CNTN5: variants seen among roughly 807,000 people sequenced by gnomAD.
CNTN5 encodes the protein contactin-5.
In CNTN5, 77 loss-of-function variants were observed where a neutral mutation model predicts 129.1. The ratio of observed to expected loss-of-function variants is 0.60; its 90% CI spans 0.50 to 0.72. The LOEUF is 0.72. Among genes scored for constraint, CNTN5 ranks in the 30% least tolerant of loss-of-function variants. The probability of loss-of-function intolerance (pLI) is 0.00; values close to 1 mark genes in which losing one functional copy is unlikely to be tolerated. For synonymous variants in CNTN5, 509 were observed against 465.6 expected (o/e 1.09, Z -1.20); for missense variants, 1,478 against 1,328.8 (o/e 1.11, Z -1.75).
intron 1 of CNTN5, among the ~76,000 whole-genome samples, chr11:99,311,294 A>G (rs1043042947): frequency 1.8e-4 from 27 of 152,234 alleles, no homozygotes; most frequent in African/African-American, 6.0e-4. Context: ...ATTTTTACCT[A>G]CATTATCTGA....
chr11:99,268,048 A>T (rs1862991484), intron 1 of CNTN5, among the ~76,000 whole-genome samples: 1 of 124,442 alleles, frequency 8.0e-6, no homozygotes, highest in Non-Finnish European at 1.8e-5. Context: ...TAGTTAAGGT[A>T]TGTGGCAGTC....
At chr11:99,944,871 A>G (rs1212154513) in intron 7 of CNTN5, among the ~76,000 whole-genome samples, 1 of 152,144 alleles carries the variant, frequency 6.6e-6, no homozygotes, top group East Asian at 1.9e-4. Context: ...GGACACAAAT[A>G]AATGGAAATA....
chr11:99,349,733 C>T (rs1262237976), intron 2 of CNTN5, among the ~76,000 whole-genome samples: 1 of 152,032 alleles, frequency 6.6e-6, no homozygotes, highest in African/African-American at 2.4e-5. Context: ...TTGTGATAAA[C>T]TCATTTAAGA....
At chr11:99,901,069 A>C (rs965698899) in intron 6 of CNTN5, among the ~76,000 whole-genome samples, 2 of 152,162 alleles carry the variant, frequency 1.3e-5, no homozygotes, top group African/African-American at 2.4e-5. Context: ...TTTCTCACAA[A>C]AGTGTCTAAC....
At chr11:99,823,395 C>T (rs1385853479) in intron 4 of CNTN5, among the ~76,000 whole-genome samples, 1 of 151,994 alleles carries the variant, frequency 6.6e-6, no homozygotes, top group Non-Finnish European at 1.5e-5. Flanking sequence ...CTACATTCAG[C>T]CCAGATTTGT....
At chr11:99,205,377 C>G (rs1162958420) in intron 1 of CNTN5, among the ~76,000 whole-genome samples, 2 of 152,058 alleles carry the variant, frequency 1.3e-5, no homozygotes, top group Non-Finnish European at 2.9e-5. Context: ...AAGAGGTTTG[C>G]TCTCAAGACC....
chr11:99,127,783 C>A lies in CNTN5; in HGVS notation c.-210+106513C>A, dbSNP rs150645760. On this transcript the variant is annotated intron_variant, in intron 1 of 24. Transcript: ENST00000524871. ...TTCCCCTTACAAAGCATTCCTTGAC[C>A]TTTAGGGCTGTGTGAGGTATTTTGT... is the stretch of plus-strand genomic sequence containing the variant. Among the ~76,000 whole-genome samples, 9 of 152,242 alleles carry A rather than the reference C, an allele frequency of 5.9e-5. No individual in the cohort carries two copies. The East Asian group carries it at 1.7e-3, about 29-fold the overall frequency.
chr11:99,229,031 CA>C (rs1860840516), intron 1 of CNTN5, among the ~76,000 whole-genome samples: 1 of 151,934 alleles, frequency 6.6e-6, no homozygotes, highest in South Asian at 2.1e-4. Context: ...TTTTTCTACA[CA>C]TATTTCTATG....
At chr11:99,664,668 C>G (rs1487685151) in intron 3 of CNTN5, among the ~76,000 whole-genome samples, 2 of 152,104 alleles carry the variant, frequency 1.3e-5, no homozygotes, top group Non-Finnish European at 2.9e-5. Context: ...TGTTGGATCA[C>G]TGGAACTATT....
intron 1 of CNTN5, among the ~76,000 whole-genome samples, chr11:99,205,247 T>C (rs1368747569): frequency 1.3e-5 from 2 of 152,178 alleles, no homozygotes; most frequent in African/African-American, 2.4e-5. Flanking sequence ...TAAAATTCCC[T>C]GGAAAAGGAG....
intron 2 of CNTN5, among the ~76,000 whole-genome samples, chr11:99,473,486 T>A (rs1945252337): frequency 6.6e-6 from 1 of 152,154 alleles, no homozygotes; most frequent in Non-Finnish European, 1.5e-5. Context: ...ATAATTTGCA[T>A]TTGAAATATA....
At chr11:99,493,011 C>A (rs965544734) in intron 2 of CNTN5, among the ~76,000 whole-genome samples, 10 of 152,118 alleles carry the variant, frequency 6.6e-5, no homozygotes, top group African/African-American at 2.4e-4. Flanking sequence ...TCAGATAATT[C>A]TTTAATGGTT....
chr11:100,245,654 GC>G (rs1949826091), intron 16 of CNTN5, among the ~76,000 whole-genome samples: 1 of 152,074 alleles, frequency 6.6e-6, no homozygotes, highest in South Asian at 2.1e-4. Flanking sequence ...AATATTATTT[GC>G]CCCTGCTCAT....
chr11:99,283,084 T>C (rs1365472082), intron 1 of CNTN5, among the ~76,000 whole-genome samples: 2 of 152,056 alleles, frequency 1.3e-5, no homozygotes, highest in South Asian at 2.1e-4. Flanking sequence ...GAAGAGCATG[T>C]TGGAAATAGT....
chr11:99,183,164 C>T (rs1030547789), intron 1 of CNTN5, among the ~76,000 whole-genome samples: 3 of 152,110 alleles, frequency 2.0e-5, no homozygotes, highest in Non-Finnish European at 4.4e-5. Flanking sequence ...GGAAACTAAC[C>T]TTTCACTAAA....
intron 3 of CNTN5, among the ~76,000 whole-genome samples, chr11:99,704,642 C>G (rs185397366): frequency 6.6e-6 from 1 of 151,130 alleles, no homozygotes; most frequent in African/African-American, 2.4e-5. Context: ...ATGTTTACTA[C>G]GTACCTACTA....
At chr11:99,148,271 T>C (rs1024609005) in intron 1 of CNTN5, among the ~76,000 whole-genome samples, 4 of 152,186 alleles carry the variant, frequency 2.6e-5, no homozygotes, top group African/African-American at 9.7e-5. Context: ...CATGTTGTTT[T>C]TCTTTCATCT....
At chr11:99,775,742 T>C (rs1403596571) in intron 3 of CNTN5, among the ~76,000 whole-genome samples, 1 of 152,016 alleles carries the variant, frequency 6.6e-6, no homozygotes, top group Non-Finnish European at 1.5e-5. Flanking sequence ...CACGTTATGA[T>C]AATAATGCTA....
intron 7 of CNTN5, among the ~76,000 whole-genome samples, chr11:99,934,837 T>C (rs1236198009): frequency 6.7e-6 from 1 of 148,986 alleles, no homozygotes; most frequent in Non-Finnish European, 1.5e-5. Context: ...ATCGCACCAC[T>C]GCACTCCAGC....
Sources: gnomAD v4.1 joint callset for allele counts (sites outside exome capture counted in the v4.1 genomes callset) on GRCh38, gnomAD v4.1.1 for gene constraint, MANE v1.5 for transcripts, NCBI Gene and HGNC (gene_info 2026-07-23, HGNC 2026-07-21) for gene names.